PRKCH: variants seen among roughly 807,000 people sequenced by gnomAD.
The protein encoded by PRKCH is protein kinase C eta type.
A neutral mutation model predicts 82.5 loss-of-function variants in PRKCH; 28 were observed. The ratio of observed to expected loss-of-function variants is 0.34; its 90% CI spans 0.25 to 0.47. The LOEUF (loss-of-function observed/expected upper bound fraction) is 0.47, where lower values mean the gene tolerates loss of function less well. Among genes scored for constraint, PRKCH ranks in the 20% least tolerant of loss-of-function variants. The pLI is 1.00. For missense variants in PRKCH, 705 were observed against 881.8 expected (o/e 0.80, Z 2.54); for synonymous variants, 322 against 327.4 (o/e 0.98, Z 0.18).
intron 2 of PRKCH, among the ~76,000 whole-genome samples, chr14:61,430,378 G>A (rs189185664): frequency 1.3e-5 from 2 of 152,304 alleles, no homozygotes; most frequent in South Asian, 2.1e-4. Flanking sequence ...TGGTACAACC[G>A]CTTTGAAAAA....
rs775471361 is a variant in PRKCH, at chr14:61,280,353, C to G, written c.-19+92685C>G. 1.9e-6 allele frequency: 3 copies of G among 1,613,964 alleles called. No individual in the cohort carries two copies. The highest frequency in any genetic ancestry group is 2.5e-6 in the Non-Finnish European group (3 of 1,179,940). Reference sequence around the variant, plus strand: ...AGTTGCCCTGGCGGATGCGCGCGTACAGTTTGCGGAACGTGGGCAGCGCCG... The same window carrying G: ...AGTTGCCCTGGCGGATGCGCGCGTAGAGTTTGCGGAACGTGGGCAGCGCCG... On this transcript the variant is annotated intron_variant, in intron 1 of 3. Coordinates refer to the PRKCH transcript ENST00000555185. The surrounding 1 kb of genome is among the most constrained non-coding windows in gnomAD (Gnocchi z 5.0).
chr14:61,522,870 C>T (rs1355089829), intron 10 of PRKCH, among the ~76,000 whole-genome samples: 2 of 152,236 alleles, frequency 1.3e-5, no homozygotes, highest in African/African-American at 4.8e-5. Context: ...ATGGATATCT[C>T]GTGTCAGGTG....
At chr14:61,470,767 A>G (rs141425104) in intron 9 of PRKCH, among the ~76,000 whole-genome samples, 164 of 152,278 alleles carry the variant, frequency 1.1e-3, no homozygotes, top group African/African-American at 3.9e-3. Flanking sequence ...CTTGTGGTAT[A>G]TGACGTTCTA....
chr14:61,197,913 T>A (rs2044452274), intron 1 of PRKCH, among the ~76,000 whole-genome samples: 1 of 152,242 alleles, frequency 6.6e-6, no homozygotes, highest in South Asian at 2.1e-4. Flanking sequence ...TATTCCCATG[T>A]TAACATTTTA....
intron 1 of PRKCH, among the ~76,000 whole-genome samples, chr14:61,225,095 T>G (rs977566411): frequency 2.6e-5 from 4 of 152,122 alleles, no homozygotes; most frequent in African/African-American, 7.2e-5. Flanking sequence ...CCATACCCTC[T>G]AGTCTACACT....
chr14:61,214,424 C>T (rs916787012), intron 1 of PRKCH, among the ~76,000 whole-genome samples: 3 of 151,974 alleles, frequency 2.0e-5, no homozygotes, highest in African/African-American at 7.3e-5. Context: ...TATGAGGACC[C>T]TCTACAATCT....
intron 2 of PRKCH, among the ~76,000 whole-genome samples, chr14:61,408,687 C>T: frequency 6.6e-6 from 1 of 152,196 alleles, no homozygotes; most frequent in East Asian, 1.9e-4. Flanking sequence ...CTGATGCAGA[C>T]TATGTTCCCA....
chr14:61,536,189 T>C (rs562223802), intron 12 of PRKCH, among the ~76,000 whole-genome samples: 1,657 of 152,310 alleles, frequency 0.011, 31 homozygotes, highest in African/African-American at 0.038. Context: ...TCATGATTTT[T>C]TGCCACAGAC....
chr14:61,501,163 G>T (rs574093907), intron 10 of PRKCH, among the ~76,000 whole-genome samples: 13 of 152,112 alleles, frequency 8.5e-5, no homozygotes, highest in African/African-American at 2.7e-4. Flanking sequence ...AATTCATGTG[G>T]CTTGCTTATT....
chr14:61,490,672 G>A (rs3783768), intron 10 of PRKCH, among the ~76,000 whole-genome samples: 18,467 of 152,230 alleles, frequency 0.12, 1,193 homozygotes, highest in South Asian at 0.19. Flanking sequence ...CCAGCATTTT[G>A]TGAGGCCAAG....
chr14:61,549,555 CTG>C, intron 13 of PRKCH, 128 bp from the exon 14 acceptor site: 5 of 1,017,080 alleles, frequency 4.9e-6, no homozygotes, highest in Non-Finnish European at 7.2e-6. Context: ...ATAACAATAA[CTG>C]TAAATAATGC....
intron 2 of PRKCH, among the ~76,000 whole-genome samples, chr14:61,416,504 T>G (rs976155111): frequency 6.6e-6 from 1 of 152,242 alleles, no homozygotes; most frequent in African/African-American, 2.4e-5. Context: ...ATTTTGTTTA[T>G]GTTGAAAACT....
intron 1 of PRKCH, among the ~76,000 whole-genome samples, chr14:61,246,412 A>AAG (rs34720308): frequency 0.094 from 3 of 32 alleles, no homozygotes; most frequent in South Asian, 0.5. Context: ...TGTCTCAAAG[A>AAG]AAAAAAAAAA....
intron 12 of PRKCH, among the ~76,000 whole-genome samples, chr14:61,538,898 C>T (rs111951307): frequency 6.6e-6 from 1 of 152,172 alleles, no homozygotes; most frequent in African/African-American, 2.4e-5. Flanking sequence ...GGATAAAGGA[C>T]ATTGTATAGT....
chr14:61,272,000 C>T (rs923436446), intron 1 of PRKCH, among the ~76,000 whole-genome samples: 2 of 151,768 alleles, frequency 1.3e-5, no homozygotes, highest in East Asian at 3.9e-4. Context: ...CCGAGGCGGG[C>T]GGATCACGAG....
chr14:61,313,754 A>C (rs958133000), intron 1 of PRKCH, among the ~76,000 whole-genome samples: 15 of 152,138 alleles, frequency 9.9e-5, no homozygotes, highest in African/African-American at 2.9e-4. Context: ...TTGTGTAGGG[A>C]AACTCCCCCT....
chr14:61,194,411 G>T (rs549067792), intron 1 of PRKCH, among the ~76,000 whole-genome samples: 38 of 152,284 alleles, frequency 2.5e-4, no homozygotes, highest in African/African-American at 9.1e-4. Context: ...TCATGAGTGG[G>T]ATTAACGCTC....
intron 1 of PRKCH, chr14:61,326,975 A>G (rs1480644467): frequency 2.3e-6 from 1 of 433,030 alleles, no homozygotes; most frequent in Non-Finnish European, 4.7e-6. Flanking sequence ...CTAAATGGGG[A>G]CCAGCATCTA....
intron 1 of PRKCH, among the ~76,000 whole-genome samples, chr14:61,196,677 A>C (rs910585546): frequency 7.2e-5 from 11 of 152,252 alleles, no homozygotes; most frequent in Admixed American, 6.5e-5. Flanking sequence ...TGTGCCTGTC[A>C]GGACATAACT....
Sources: allele counts gnomAD v4.1 joint callset (sites outside exome capture counted in the v4.1 genomes callset), GRCh38; gene constraint gnomAD v4.1.1; non-coding constraint Gnocchi (gnomAD v3.1); transcripts MANE v1.5; gene names NCBI Gene and HGNC (gene_info 2026-07-23, HGNC 2026-07-21).